PCNX2: variants seen among roughly 807,000 people sequenced by gnomAD.
The protein encoded by PCNX2 is pecanex 2, also known as pecanex-like protein 2.
In PCNX2, 168 loss-of-function variants were observed where a neutral mutation model predicts 223.8. The observed-to-expected ratio is 0.75, with a 90% CI of 0.66 to 0.85. The LOEUF (loss-of-function observed/expected upper bound fraction) is 0.85. Among genes scored for constraint, PCNX2 ranks in the 40% least tolerant of loss-of-function variants. The probability of loss-of-function intolerance (pLI) is 0.00; values close to 1 mark genes in which losing one functional copy is unlikely to be tolerated. For synonymous variants in PCNX2, 1,006 were observed against 1,052.6 expected, an observed-to-expected ratio of 0.96 and a Z score of 0.86; for missense variants, 2,507 against 2,675.5, an observed-to-expected ratio of 0.94 and a Z score of 1.39.
chr1:233,044,765 T>C (rs1453420944), intron 25 of PCNX2, among the ~76,000 whole-genome samples: 1 of 152,006 alleles, frequency 6.6e-6, no homozygotes, highest in Non-Finnish European at 1.5e-5. Flanking sequence ...ACTTCTCAGA[T>C]TCAAGTGATT....
At chr1:233,215,716 A>G (rs1256370853) in intron 12 of PCNX2, among the ~76,000 whole-genome samples, 1 of 152,204 alleles carries the variant, frequency 6.6e-6, no homozygotes, top group African/African-American at 2.4e-5. Context: ...TGACTGAGGC[A>G]GGAGAATGGT....
Position 233,259,799 on chromosome 1 carries a change from T to C in PCNX2, c.518-455A>G, listed in dbSNP as rs1659953428. ...CCTGCAAAGAACATGAACTCATTCT[T>C]ATTTACGGCTGCATTGATACTTATT... On this transcript the variant is annotated intron_variant, in intron 4 of 33. Transcript: ENST00000258229. 6 of 861,796 alleles carry C rather than the reference T, an allele frequency of 7.0e-6. No individual in the cohort carries two copies. In the South Asian group the frequency reaches 2.7e-4, roughly 39 times the overall value. 53.4% of individuals were successfully genotyped at this position (861,796 alleles called of 1,614,324 possible).
chr1:233,204,767 T>G (rs1384963455), intron 13 of PCNX2, among the ~76,000 whole-genome samples: 1 of 152,238 alleles, frequency 6.6e-6, no homozygotes, highest in African/African-American at 2.4e-5. Context: ...TATTTTTCTA[T>G]TTATCTTTAC....
intron 19 of PCNX2, among the ~76,000 whole-genome samples, chr1:233,143,727 C>T (rs1037898287): frequency 1.3e-5 from 2 of 152,142 alleles, no homozygotes; most frequent in African/African-American, 4.8e-5. Flanking sequence ...GCATGTCTAT[C>T]CCTTCTTTTC....
In PCNX2 at chr1:233,177,936, T is replaced by C. The variant is rs773782317; in HGVS notation, c.3177-38A>G. 18 of 1,541,108 alleles carry C rather than the reference T, an allele frequency of 1.2e-5. No homozygotes were observed. In the South Asian group the frequency reaches 2.0e-4, roughly 17 times the overall value. Reference sequence around the variant, plus strand: ...AAACACAATACTTCATCAAAGATGTTCCTGGGACAGTGTTTTCGGTAAATA... The same window carrying C: ...AAACACAATACTTCATCAAAGATGTCCCTGGGACAGTGTTTTCGGTAAATA... On this transcript the variant is annotated intron_variant, in intron 16 of 33. Coordinates refer to ENST00000258229, the MANE Select transcript of PCNX2 (RefSeq NM_014801.4).
At chr1:233,064,459 ACTT>A (rs1672517490) in intron 23 of PCNX2, among the ~76,000 whole-genome samples, 1 of 152,054 alleles carries the variant, frequency 6.6e-6, no homozygotes, top group Non-Finnish European at 1.5e-5. Context: ...TGGGTGTTTC[ACTT>A]CTTCACTGAT....
chr1:233,093,544 T>A (rs1247929083), intron 22 of PCNX2, among the ~76,000 whole-genome samples: 3 of 152,198 alleles, frequency 2.0e-5, no homozygotes, highest in Admixed American at 2.0e-4. Flanking sequence ...CTGGGTGGCA[T>A]GTATATCTAG....
chr1:233,026,324 A>C (rs1164430729), intron 25 of PCNX2, among the ~76,000 whole-genome samples: 1 of 152,204 alleles, frequency 6.6e-6, no homozygotes. Flanking sequence ...GAGCAGCACG[A>C]AAGTCTATAG....
At chr1:233,008,038 G>C (rs1670346154) in intron 28 of PCNX2, among the ~76,000 whole-genome samples, 1 of 152,074 alleles carries the variant, frequency 6.6e-6, no homozygotes, top group Admixed American at 6.5e-5. Context: ...CCCTTTAAAG[G>C]CTTCAGTTGA....
intron 20 of PCNX2, among the ~76,000 whole-genome samples, chr1:233,135,671 A>G (rs1676763255): frequency 1.3e-5 from 2 of 152,228 alleles, no homozygotes; most frequent in African/African-American, 2.4e-5. Context: ...AAAGAATCCA[A>G]TTCGAACAGT....
chr1:233,020,645 G>A (rs1041416530), intron 26 of PCNX2, among the ~76,000 whole-genome samples: 1 of 152,234 alleles, frequency 6.6e-6, no homozygotes, highest in African/African-American at 2.4e-5. Context: ...CCAGTGATAA[G>A]CGTGTCTCCT....
intron 32 of PCNX2, among the ~76,000 whole-genome samples, chr1:232,989,501 G>A (rs1012770896): frequency 3.3e-5 from 5 of 151,840 alleles, no homozygotes; most frequent in Non-Finnish European, 7.4e-5. Context: ...AAGGGTCTCT[G>A]TCATGCCCTT....
chr1:233,258,722 C>T lies in PCNX2; in HGVS notation c.1140G>A (p.Met380Ile), dbSNP rs565923632. 7 of 1,613,924 alleles carry T rather than the reference C, an allele frequency of 4.3e-6. No individual in the cohort carries two copies. Among genetic ancestry groups the T allele is most frequent in the South Asian group, 3.3e-5 (3 of 91,078 alleles). ...CTGTCATGGAGTTTGGGGTACTGCT[C>T]ATCGTGATAACAATTTTTATGGGCT... is the stretch of plus-strand genomic sequence containing the variant. ...LHEPIKIVIT[M>I]SSTPNSMTDL... The change falls in exon 5 of 34, where the codon ATG becomes ATA. Residue 380 changes from methionine (M) to isoleucine (I), a missense_variant. By Grantham distance (10) the Met-to-Ile change is conservative. Coordinates refer to ENST00000258229, the MANE Select transcript of PCNX2 (RefSeq NM_014801.4).
chr1:233,095,042 T>C (rs1674075544), intron 22 of PCNX2, among the ~76,000 whole-genome samples: 1 of 152,212 alleles, frequency 6.6e-6, no homozygotes, highest in Non-Finnish European at 1.5e-5. Context: ...CTGAGTCAAA[T>C]TTTAATTAAT....
At chr1:233,259,464 T>G in intron 4 of PCNX2, 120 bp from the exon 5 acceptor site, 3 of 1,361,210 alleles carry the variant, frequency 2.2e-6, no homozygotes, top group Non-Finnish European at 2.9e-6. Flanking sequence ...ATTAGATACT[T>G]TTTTAATTTT....
chr1:233,139,570 A>T lies in PCNX2; in HGVS notation c.3659+144T>A. 1 of 988,232 alleles carries T rather than the reference A, an allele frequency of 1.0e-6. No individual in the cohort carries two copies. Among genetic ancestry groups the T allele is most frequent in the Non-Finnish European group, 1.5e-6 (1 of 682,312 alleles). 61.2% of individuals were successfully genotyped at this position (988,232 alleles called of 1,614,324 possible). A position where few individuals can be genotyped will look rare whatever the true frequency, so the allele number is the denominator to read the frequency against. On this transcript the variant is annotated intron_variant, in intron 20 of 33. Coordinates refer to ENST00000258229, the MANE Select transcript of PCNX2 (RefSeq NM_014801.4). The surrounding 1 kb of genome is among the most constrained non-coding windows in gnomAD (Gnocchi z 4.4). ...AACTGTCTAGCTCCAGTGGGTTTTG[A>T]GTAAAAGACCACCATGGCTTATTTT... is the stretch of plus-strand genomic sequence containing the variant.
chr1:233,178,580 A>G (rs548684972), intron 16 of PCNX2, among the ~76,000 whole-genome samples: 67 of 152,358 alleles, frequency 4.4e-4, no homozygotes, highest in African/African-American at 1.5e-3. Context: ...CTTTAAATCC[A>G]GAGGACGTTG....
At chr1:233,028,174 T>G (rs1671149079) in intron 25 of PCNX2, among the ~76,000 whole-genome samples, 1 of 152,230 alleles carries the variant, frequency 6.6e-6, no homozygotes, top group South Asian at 2.1e-4. Context: ...TTTCGGTGAC[T>G]GTTTCAAATG....
rs1294326 is a variant in PCNX2 at position 233,291,874 on chromosome 1, G to A, written c.153+3452C>T. 7.2e-3 allele frequency: 7,119 copies of A among 985,136 alleles called. 182 individuals are homozygous for A. In the African/African-American group the frequency reaches 0.076, roughly 11 times the overall value. 61.0% of individuals were successfully genotyped at this position (985,136 alleles called of 1,614,324 possible). A position where few individuals can be genotyped will look rare whatever the true frequency, so the allele number is the denominator to read the frequency against. On this transcript the variant is annotated intron_variant, in intron 1 of 33. Coordinates refer to ENST00000258229, the MANE Select transcript of PCNX2 (RefSeq NM_014801.4). ...TTGGGAACTGTGTATTTGACATGAG[G>A]CTAGTGCTCTCAGAACTTACACAAG...
Sources: allele counts gnomAD v4.1 joint callset (sites outside exome capture counted in the v4.1 genomes callset), GRCh38; gene constraint gnomAD v4.1.1; non-coding constraint Gnocchi (gnomAD v3.1); transcripts MANE v1.5; gene names NCBI Gene and HGNC (gene_info 2026-07-23, HGNC 2026-07-21).